Variants in GRM8 observed in about 807,000 individuals in gnomAD.
GRM8 encodes metabotropic glutamate receptor 8.
Under a neutral mutation model 87.2 loss-of-function variants are expected in GRM8, and 47 were observed. That is an observed-to-expected ratio of 0.54 (90% CI 0.43 to 0.69). The LOEUF is 0.69. Among genes scored for constraint, GRM8 ranks in the 30% least tolerant of loss-of-function variants. The probability of loss-of-function intolerance (pLI) is 0.00; values close to 1 mark genes in which losing one functional copy is unlikely to be tolerated. For missense variants in GRM8, 1,019 were observed against 1,139.2 expected, an observed-to-expected ratio of 0.89 and a Z score of 1.52; for synonymous variants, 396 against 404.5, an observed-to-expected ratio of 0.98 and a Z score of 0.25.
intron 7 of GRM8, among the ~76,000 whole-genome samples, chr7:126,632,376 G>A (rs779929583): frequency 5.3e-5 from 8 of 152,088 alleles, no homozygotes; most frequent in Non-Finnish European, 1.2e-4. Context: ...AAAAAGTCAA[G>A]AAACAACAGA....
At chr7:126,594,667 T>G (rs1184752391) in intron 8 of GRM8, among the ~76,000 whole-genome samples, 4 of 152,222 alleles carry the variant, frequency 2.6e-5, no homozygotes, top group Admixed American at 6.5e-5. Context: ...TACAGCATAG[T>G]GACTATAGAT....
chr7:126,675,268 CA>C (rs1241523576), intron 7 of GRM8, among the ~76,000 whole-genome samples: 3 of 151,964 alleles, frequency 2.0e-5, no homozygotes, highest in African/African-American at 7.2e-5. Context: ...CCCTACAAAA[CA>C]AAAACCAAAA....
intron 6 of GRM8, among the ~76,000 whole-genome samples, chr7:126,827,436 T>G (rs952510528): frequency 1.8e-4 from 28 of 152,200 alleles, no homozygotes; most frequent in South Asian, 8.3e-4. Flanking sequence ...TCACGTCCCT[T>G]GTAAATTGGA....
chr7:126,765,917 A>C (rs1265207205), intron 7 of GRM8, among the ~76,000 whole-genome samples: 1 of 152,094 alleles, frequency 6.6e-6, no homozygotes, highest in Non-Finnish European at 1.5e-5. Flanking sequence ...GTGATTTTAA[A>C]AAATCAGTTT....
intron 6 of GRM8, among the ~76,000 whole-genome samples, chr7:126,850,464 A>G (rs911509191): frequency 6.6e-6 from 1 of 152,146 alleles, no homozygotes; most frequent in East Asian, 1.9e-4. Context: ...TTTATTACTC[A>G]CTACAACAGG....
At position 127,092,706 on chromosome 7, in the gene GRM8, CA is replaced by C. The variant is rs1041452562; in HGVS notation, c.727+13789del. On this transcript the variant is annotated intron_variant, in intron 3 of 10. Transcript: ENST00000339582. ...TGGGTGACAGAGTGAGACTCTGTCT[CA>C]GGGGGAAAAGAAAAAAGAAGGAAAA... Among the ~76,000 whole-genome samples the C allele has an allele frequency of 7.2e-5, 11 of 152,128 alleles. No homozygotes were observed. In the East Asian group the frequency reaches 7.7e-4, roughly 11 times the overall value.
intron 6 of GRM8, among the ~76,000 whole-genome samples, chr7:126,874,955 T>G (rs1270501220): frequency 1.3e-5 from 2 of 152,126 alleles, no homozygotes; most frequent in Non-Finnish European, 2.9e-5. Context: ...CAAAGCATAC[T>G]TTATGATGCT....
chr7:126,800,525 G>C (rs1822547283), intron 6 of GRM8, among the ~76,000 whole-genome samples: 1 of 152,136 alleles, frequency 6.6e-6, no homozygotes, highest in African/African-American at 2.4e-5. Context: ...GGTCTCTCTT[G>C]CTACACGCTA....
chr7:126,963,323 G>A (rs1809504574), intron 3 of GRM8, among the ~76,000 whole-genome samples: 1 of 152,050 alleles, frequency 6.6e-6, no homozygotes. Context: ...TCTTAGCCCA[G>A]TAATTTCCCC....
At chr7:126,834,441 A>T (rs1795664842) in intron 6 of GRM8, among the ~76,000 whole-genome samples, 1 of 152,226 alleles carries the variant, frequency 6.6e-6, no homozygotes, top group African/African-American at 2.4e-5. Context: ...TAATAATAAC[A>T]ATAACAATCC....
chr7:126,628,417 T>C (rs1234490586), intron 7 of GRM8, among the ~76,000 whole-genome samples: 3 of 152,200 alleles, frequency 2.0e-5, no homozygotes, highest in African/African-American at 4.8e-5. Flanking sequence ...AAGTTTTGTA[T>C]AGCTCAACTG....
At chr7:126,522,535 G>C (rs1280967306) in intron 9 of GRM8, among the ~76,000 whole-genome samples, 1 of 152,094 alleles carries the variant, frequency 6.6e-6, no homozygotes, top group Non-Finnish European at 1.5e-5. Flanking sequence ...GCCCACACTG[G>C]AAAATACTTT....
chr7:126,946,877 G>T (rs1807594150), intron 3 of GRM8, among the ~76,000 whole-genome samples: 1 of 152,158 alleles, frequency 6.6e-6, no homozygotes, highest in Admixed American at 6.5e-5. Context: ...TTTGAGAAAA[G>T]GTGACCTGCT....
chr7:127,142,727 G>A (rs1036866292), intron 2 of GRM8, among the ~76,000 whole-genome samples: 7 of 151,942 alleles, frequency 4.6e-5, no homozygotes, highest in Non-Finnish European at 5.9e-5. Flanking sequence ...ATGGATGGAC[G>A]GACAGATGGA....
intron 3 of GRM8, among the ~76,000 whole-genome samples, chr7:126,980,068 G>C (rs1437201248): frequency 6.6e-6 from 1 of 152,242 alleles, no homozygotes; most frequent in East Asian, 1.9e-4. Context: ...CTACTGGACA[G>C]TGTGCCCTAG....
intron 2 of GRM8, among the ~76,000 whole-genome samples, chr7:127,194,339 T>C (rs1283792098): frequency 2.0e-5 from 3 of 152,222 alleles, no homozygotes; most frequent in South Asian, 2.1e-4. Flanking sequence ...AATAAGCTAA[T>C]ACACAGGTGA....
intron 1 of GRM8, among the ~76,000 whole-genome samples, chr7:127,244,551 A>G (rs1798486976): frequency 6.6e-6 from 1 of 152,234 alleles, no homozygotes; most frequent in Non-Finnish European, 1.5e-5. Context: ...GAGAATAAAC[A>G]GCACCAATTT....
intron 3 of GRM8, among the ~76,000 whole-genome samples, chr7:127,055,782 A>T (rs897061113): frequency 6.6e-6 from 1 of 152,042 alleles, no homozygotes; most frequent in African/African-American, 2.4e-5. Context: ...TGCAGAAGAA[A>T]ATAGGATCAA....
intron 2 of GRM8, among the ~76,000 whole-genome samples, chr7:127,173,569 G>A (rs557618844): frequency 1.3e-5 from 2 of 152,206 alleles, no homozygotes; most frequent in Admixed American, 1.3e-4. Context: ...GGTGAAACAG[G>A]GAACCACTGC....
Sources: gnomAD v4.1 joint callset for allele counts (sites outside exome capture counted in the v4.1 genomes callset) on GRCh38, gnomAD v4.1.1 for gene constraint, MANE v1.5 for transcripts, NCBI Gene and HGNC (gene_info 2026-07-23, HGNC 2026-07-21) for gene names.